CCNQ: variants seen among roughly 807,000 people sequenced by gnomAD.
The protein encoded by CCNQ is cyclin-Q.
Under a neutral mutation model 17.7 loss-of-function variants are expected in CCNQ, and 3 were observed. The observed-to-expected ratio is 0.17, with a 90% CI of 0.08 to 0.44. The LOEUF is 0.44. Among genes scored for constraint, CCNQ ranks in the 20% least tolerant of loss-of-function variants. The probability of loss-of-function intolerance (pLI) is 0.99; values close to 1 mark genes in which losing one functional copy is unlikely to be tolerated. For missense variants in CCNQ, 146 were observed against 222.6 expected, an observed-to-expected ratio of 0.66 and a Z score of 2.19; for synonymous variants, 73 against 96.0, an observed-to-expected ratio of 0.76 and a Z score of 1.40.
intron 2 of CCNQ, among the ~76,000 whole-genome samples, chrX:153,595,564 G>A (rs782721554): frequency 4.4e-5 from 5 of 113,385 alleles, no homozygotes; most frequent in Admixed American, 9.2e-5. Flanking sequence ...TGCTTGGGCC[G>A]GCTGTGCCAT....
At chrX:153,591,667 G>A (rs1557025825) in intron 4 of CCNQ, among the ~76,000 whole-genome samples, 2 of 110,871 alleles carry the variant, frequency 1.8e-5, no homozygotes, top group African/African-American at 3.3e-5. Flanking sequence ...AGCAGCCCGA[G>A]CGTGGGGCAA....
intron 4 of CCNQ, 138 bp downstream of exon 4, chrX:153,592,368 G>C: frequency 3.2e-6 from 2 of 624,172 alleles, no homozygotes; most frequent in Non-Finnish European, 5.0e-6. Context: ...CATCGCAACA[G>C]GGTACTTTCG....
chrX:153,598,714 C>G (rs1001760172), intron 1 of CCNQ, among the ~76,000 whole-genome samples: 3 of 113,593 alleles, frequency 2.6e-5, no homozygotes, highest in Non-Finnish European at 3.7e-5. Context: ...CGGTCTCCGC[C>G]TCGCTGGAGG....
intron 3 of CCNQ, among the ~76,000 whole-genome samples, chrX:153,593,900 T>G (rs782268439): frequency 8.9e-6 from 1 of 111,739 alleles, no homozygotes; most frequent in East Asian, 2.8e-4. Flanking sequence ...AGAATGAAAC[T>G]CCTAGCCCAG....
Position 153,588,072 on chromosome X carries a change from G to T in CCNQ, c.*293C>A, listed in dbSNP as rs2090965603. 1 of 447,095 alleles carries T rather than the reference G, an allele frequency of 2.2e-6. No homozygotes were observed. The highest frequency in any genetic ancestry group is 4.1e-6 in the Non-Finnish European group (1 of 246,842). 36.8% of individuals were successfully genotyped at this position (447,095 alleles called of 1,213,427 possible). On this transcript the variant is annotated 3_prime_UTR_variant, in exon 5 of 5. Transcript: ENST00000576892. ...CTTTCATTGATGTCATGCCTGTATT[G>T]TAGTCAAAGTCCTCTCAAAGGACAA...
rs782521232 is a variant in CCNQ at position 153,592,758 on chromosome X, T to G, written c.430-25A>C. 88 of 1,161,949 alleles carry G rather than the reference T, an allele frequency of 7.6e-5. No homozygotes were observed. The South Asian group carries it at 1.5e-3, about 20-fold the overall frequency. On this transcript the variant is annotated intron_variant, in intron 3 of 4. Coordinates refer to ENST00000576892, the MANE Select transcript of CCNQ (RefSeq NM_152274.5). ...ACTGCAAAGACACGTGTGTCAGCCT[T>G]TAGGCCCACCAGCTGCTCTCCTCAT...
Position 153,594,785 on chromosome X carries a change from C to T in CCNQ, c.297-106G>A, listed in dbSNP as rs782688675. 24 of 874,884 alleles carry T rather than the reference C, an allele frequency of 2.7e-5. No individual in the cohort carries two copies. The African/African-American group carries it at 3.9e-4, about 14-fold the overall frequency. 72.1% of individuals were successfully genotyped at this position (874,884 alleles called of 1,213,427 possible). ...ATGTCCAGATGCAAACTACATCGTC[C>T]ATCTGCAGATTCATGGAGGGTCATT... On this transcript the variant is annotated intron_variant, in intron 2 of 4. Coordinates refer to ENST00000576892, the MANE Select transcript of CCNQ (RefSeq NM_152274.5).
At chrX:153,596,454 C>T (rs1023538530) in intron 1 of CCNQ, among the ~76,000 whole-genome samples, 1 of 112,306 alleles carries the variant, frequency 8.9e-6, no homozygotes, top group Non-Finnish European at 1.9e-5. Flanking sequence ...TGACAAGCCC[C>T]AGGTCATGCC....
chrX:153,588,020 T>G lies in CCNQ; in HGVS notation c.*345A>C. The G allele has an allele frequency of 2.6e-6, 1 of 381,573 alleles. No homozygotes were observed. Among genetic ancestry groups the G allele is most frequent in the East Asian group, 4.7e-5 (1 of 21,064 alleles). 31.4% of individuals were successfully genotyped at this position (381,573 alleles called of 1,213,427 possible). On this transcript the variant is annotated 3_prime_UTR_variant, in exon 5 of 5. Coordinates refer to ENST00000576892, the MANE Select transcript of CCNQ (RefSeq NM_152274.5). ...CTGGCTTTTAAGAAATCCGTAGGGA[T>G]TCAGTCTCATCGATTTCATGACTTT...
chrX:153,595,708 TCTTTGACATG>T (rs1557026858), intron 2 of CCNQ, among the ~76,000 whole-genome samples: 3 of 112,326 alleles, frequency 2.7e-5, no homozygotes, highest in African/African-American at 9.7e-5. Flanking sequence ...CACAGAATCT[TCTTTGACATG>T]CCTCTCCAAG....
At position 153,592,670 on chromosome X, in the gene CCNQ, G is replaced by A; in HGVS notation, c.493C>T (p.Pro165Ser). Residue 165 changes from proline to serine, a missense_variant, in exon 4 of 5, where the codon CCT becomes TCT. By Grantham distance (74) the Pro-to-Ser change is moderately conservative. Transcript: ENST00000576892. ...WLNRHSWQRT[P>S]VAVTAWALLR... ...AGGGCCCAGGCGGTGACGGCAACAG[G>A]GGTCCGCTGCCAGCTGTGGCGGTTC... The A allele has an allele frequency of 1.7e-6, 2 of 1,211,700 alleles. No individual in the cohort carries two copies. Among genetic ancestry groups the A allele is most frequent in the Non-Finnish European group, 2.2e-6 (2 of 895,311 alleles).
At chrX:153,598,138 G>T (rs72616439) in intron 1 of CCNQ, among the ~76,000 whole-genome samples, 1,177 of 111,147 alleles carry the variant, frequency 0.011, 13 homozygotes, top group East Asian at 0.067. Flanking sequence ...TTGATGGGCC[G>T]GACGAGGTAG....
intron 1 of CCNQ, 35 bp downstream of exon 1, chrX:153,598,927 C>G: frequency 9.7e-7 from 1 of 1,029,326 alleles, no homozygotes; most frequent in Non-Finnish European, 1.3e-6. Flanking sequence ...CGGGCCGCGG[C>G]GCCGCCTGTC....
Position 153,598,993 on chromosome X carries a change from G to A in CCNQ, c.81C>T (p.His27=), listed in dbSNP as rs1328646082. 8.8e-7 allele frequency: 1 copy of A among 1,137,977 alleles called. No individual in the cohort carries two copies. Among genetic ancestry groups the A allele is most frequent in the Admixed American group, 2.6e-5 (1 of 38,505 alleles). 93.8% of individuals were successfully genotyped at this position (1,137,977 alleles called of 1,213,427 possible). The change falls in exon 1 of 5, where the codon CAC becomes CAT. Residue 27 remains histidine, a synonymous_variant. Coordinates refer to ENST00000576892, the MANE Select transcript of CCNQ (RefSeq NM_152274.5). ...CCATGATGAACCTCGCCACTCGGAA[G>A]TGCACCCTGGCTTCGGGCGCCGGCT... The part of the protein sequence containing the change: ...EGQPAPEARV[H]FRVARFIMEA...
rs782027943 is a variant in CCNQ, at chrX:153,594,426, C to T, written c.429+121G>A. 3.0e-3 allele frequency: 2,903 copies of T among 979,008 alleles called. 4 individuals carry two copies. The highest frequency in any genetic ancestry group is 4.9e-3 in the South Asian group (253 of 51,698). 80.7% of individuals were successfully genotyped at this position (979,008 alleles called of 1,213,427 possible). ...AGAGCCAGGAGACCCAGTTCCCAGC[C>T]GCAGCCCTGCTCTCCTTCTGTGCTG... On this transcript the variant is annotated intron_variant, in intron 3 of 4. Coordinates refer to ENST00000576892, the MANE Select transcript of CCNQ (RefSeq NM_152274.5).
chrX:153,588,711 G>A (rs182198189), intron 4 of CCNQ, among the ~76,000 whole-genome samples: 1 of 112,787 alleles, frequency 8.9e-6, no homozygotes, highest in Non-Finnish European at 1.9e-5. Context: ...CCTGTCCAAC[G>A]TCATACAGGG....
intron 4 of CCNQ, among the ~76,000 whole-genome samples, chrX:153,591,643 T>C (rs1557025819): frequency 9.0e-6 from 1 of 110,978 alleles, no homozygotes; most frequent in African/African-American, 3.3e-5. Flanking sequence ...AGCCACATTA[T>C]GTGAAAGTCC....
intron 4 of CCNQ, among the ~76,000 whole-genome samples, 161 bp from the exon 5 acceptor site, chrX:153,588,615 G>A (rs782318189): frequency 8.9e-6 from 1 of 112,628 alleles, no homozygotes; most frequent in East Asian, 2.8e-4. Flanking sequence ...TTTAATTCCA[G>A]CCCGTTGAGG....
chrX:153,588,063 G>T lies in CCNQ; in HGVS notation c.*302C>A. ...ATGACTTTCCTTTCATTGATGTCAT[G>T]CCTGTATTGTAGTCAAAGTCCTCTC... On this transcript the variant is annotated 3_prime_UTR_variant, in exon 5 of 5. Coordinates refer to ENST00000576892, the MANE Select transcript of CCNQ (RefSeq NM_152274.5). 1 of 435,627 alleles carries T rather than the reference G, an allele frequency of 2.3e-6. No individual in the cohort carries two copies. The highest frequency in any genetic ancestry group is 3.3e-5 in the South Asian group (1 of 30,757). The allele number at this position is 435,627 out of a possible 1,213,427, so 35.9% of individuals were successfully genotyped here. A position where few individuals can be genotyped will look rare whatever the true frequency, so the allele number is the denominator to read the frequency against.
Sources: allele counts gnomAD v4.1 joint callset (sites outside exome capture counted in the v4.1 genomes callset), GRCh38; gene constraint gnomAD v4.1.1; transcripts MANE v1.5; gene names NCBI Gene and HGNC (gene_info 2026-07-23, HGNC 2026-07-21).